The following GRIN2A variants were observed in gnomAD, a reference collection of about 807,000 sequenced individuals.
GRIN2A encodes the protein glutamate ionotropic receptor NMDA type subunit 2A.
GRIN2A carries 22 observed loss-of-function variants against 113.4 expected under a neutral mutation model. That is an observed-to-expected ratio of 0.19 (90% confidence interval 0.14 to 0.28). GRIN2A has a LOEUF of 0.28. GRIN2A is among the 10% of genes least tolerant of loss of function. The pLI is 1.00. For synonymous variants in GRIN2A, 827 were observed against 738.4 expected (o/e 1.12, Z -1.94); for missense variants, 1,502 against 1,887.0 (o/e 0.80, Z 3.78).
rs533235576 is a variant in GRIN2A, at chr16:10,085,516, C to T, written c.414+94482G>A. On this transcript the variant is annotated intron_variant, in intron 2 of 12. Transcript: ENST00000330684. ...GACATGAAGGCACTCAGTGTGCAGC[C>T]CCCGTAAACTGACCAGAACCACTTC... 4.6e-5 allele frequency among the ~76,000 whole-genome samples: 7 copies of T among 152,178 alleles called. No homozygotes were observed. The South Asian group carries it at 1.5e-3, about 32-fold the overall frequency.
chr16:10,008,511 C>A (rs1004078633), intron 2 of GRIN2A, among the ~76,000 whole-genome samples: 1 of 152,102 alleles, frequency 6.6e-6, no homozygotes, highest in Admixed American at 6.5e-5. Flanking sequence ...GACCAAAGAC[C>A]GGACCCATGA....
At chr16:10,031,886 G>T (rs758038938) in intron 2 of GRIN2A, among the ~76,000 whole-genome samples, 1 of 152,162 alleles carries the variant, frequency 6.6e-6, no homozygotes, top group Non-Finnish European at 1.5e-5. Flanking sequence ...CATTTGCTAT[G>T]ATCCCTCCGG....
At chr16:9,938,687 C>G (rs2044779528) in intron 2 of GRIN2A, 136 bp from the exon 3 acceptor site, 1 of 700,294 alleles carries the variant, frequency 1.4e-6, no homozygotes, top group Non-Finnish European at 2.6e-6. Flanking sequence ...CTACTATATC[C>G]CAGACTCCAG....
rs187201224 is a variant in GRIN2A at position 9,784,446 on chromosome 16, A to C, written c.2356+13831T>G. 3.4e-3 allele frequency among the ~76,000 whole-genome samples: 508 copies of C among 148,846 alleles called. 10 individuals carry two copies. The highest frequency in any genetic ancestry group is 4.9e-3 in the Non-Finnish European group (331 of 67,850). On this transcript the variant is annotated intron_variant, in intron 11 of 12. Transcript: ENST00000330684. ...ACTCTAACAACAACAACAACCAAAA[A>C]AAAAAAACAAACAAACAAAAAACCT...
chr16:9,958,865 G>A (rs2045367309), intron 2 of GRIN2A, among the ~76,000 whole-genome samples: 1 of 152,152 alleles, frequency 6.6e-6, no homozygotes, highest in African/African-American at 2.4e-5. Context: ...CTTGTTCACT[G>A]ATACATCCCT....
chr16:9,765,560 G>A (rs1324420312), intron 12 of GRIN2A, among the ~76,000 whole-genome samples: 1 of 152,192 alleles, frequency 6.6e-6, no homozygotes, highest in Non-Finnish European at 1.5e-5. Flanking sequence ...CTCTTTGAGG[G>A]GGGGATAGAT....
At chr16:10,088,687 C>A (rs1014939970) in intron 2 of GRIN2A, among the ~76,000 whole-genome samples, 1 of 152,218 alleles carries the variant, frequency 6.6e-6, no homozygotes, top group Non-Finnish European at 1.5e-5. Context: ...CCCACCCACT[C>A]GGCTGTGTTG....
chr16:10,138,421 G>A (rs77968984), intron 2 of GRIN2A, among the ~76,000 whole-genome samples: 8 of 152,148 alleles, frequency 5.3e-5, no homozygotes, highest in Non-Finnish European at 1.0e-4. Context: ...AAGAGGAAGC[G>A]AGGAACATCT....
chr16:9,957,849 C>T (rs948254653), intron 2 of GRIN2A, among the ~76,000 whole-genome samples: 1 of 152,178 alleles, frequency 6.6e-6, no homozygotes, highest in Non-Finnish European at 1.5e-5. Context: ...TGAACATCAC[C>T]TGGGCCTCTG....
chr16:10,076,590 C>T (rs13331461), intron 2 of GRIN2A, among the ~76,000 whole-genome samples: 21,213 of 152,088 alleles, frequency 0.14, 1,989 homozygotes, highest in African/African-American at 0.27. Flanking sequence ...ATTCTTGTCA[C>T]AGACAATCCA....
At chr16:10,124,497 C>T (rs925755991) in intron 2 of GRIN2A, among the ~76,000 whole-genome samples, 1 of 152,012 alleles carries the variant, frequency 6.6e-6, no homozygotes, top group African/African-American at 2.4e-5. Flanking sequence ...TCCGGGCAAG[C>T]GGAAAAGGGC....
intron 2 of GRIN2A, chr16:10,111,682 G>A: frequency 1.9e-6 from 3 of 1,570,640 alleles, no homozygotes; most frequent in African/African-American, 1.3e-5. Context: ...AGAGTTCCAG[G>A]CCAACGAGGT....
rs1183796486 is a variant in GRIN2A, at chr16:9,761,560, TG to T, written c.*1588del. On this transcript the variant is annotated 3_prime_UTR_variant, in exon 13 of 13. Coordinates refer to ENST00000330684, the MANE Select transcript of GRIN2A (RefSeq NM_001134407.3). Reference sequence around the variant, plus strand: ...TATAAAAGGTTTAGTTAATATTATTTGCTGGTTTTATGATATTTAATTTTTA... The same window carrying T: ...TATAAAAGGTTTAGTTAATATTATTTCTGGTTTTATGATATTTAATTTTTA... 1 of 228,808 alleles carries T rather than the reference TG, an allele frequency of 4.4e-6. No individual in the cohort carries two copies. Among genetic ancestry groups the T allele is most frequent in the African/African-American group, 2.2e-5 (1 of 45,138 alleles). 14.2% of individuals were successfully genotyped at this position (228,808 alleles called of 1,614,324 possible). A position where few individuals can be genotyped will look rare whatever the true frequency, so the allele number is the denominator to read the frequency against.
chr16:10,177,484 C>G (rs1371227623), intron 2 of GRIN2A, among the ~76,000 whole-genome samples: 1 of 152,158 alleles, frequency 6.6e-6, no homozygotes, highest in Admixed American at 6.5e-5. Flanking sequence ...TCAGGAGTAT[C>G]GAATCCCCTC....
At chr16:9,787,964 C>T (rs936808502) in intron 11 of GRIN2A, among the ~76,000 whole-genome samples, 1 of 152,204 alleles carries the variant, frequency 6.6e-6, no homozygotes, top group African/African-American at 2.4e-5. Context: ...GATTAGACAT[C>T]TCCAAGGCAG....
chr16:9,972,553 A>C (rs2045693556), intron 2 of GRIN2A, among the ~76,000 whole-genome samples: 1 of 152,186 alleles, frequency 6.6e-6, no homozygotes, highest in African/African-American at 2.4e-5. Flanking sequence ...AAAGGTAGGA[A>C]GCCTCAGAAG....
intron 2 of GRIN2A, among the ~76,000 whole-genome samples, chr16:10,023,894 A>G (rs1431303328): frequency 6.6e-6 from 1 of 152,204 alleles, no homozygotes; most frequent in African/African-American, 2.4e-5. Flanking sequence ...GATGACACAT[A>G]TTTATTAAGC....
chr16:9,808,628 A>G (rs776781945), intron 10 of GRIN2A, among the ~76,000 whole-genome samples: 9 of 152,216 alleles, frequency 5.9e-5, no homozygotes, highest in African/African-American at 9.6e-5. Context: ...GAGGTTATTT[A>G]ATTTGCCAAA....
intron 3 of GRIN2A, among the ~76,000 whole-genome samples, chr16:9,936,694 A>G (rs1161469257): frequency 6.6e-6 from 1 of 152,220 alleles, no homozygotes; most frequent in Non-Finnish European, 1.5e-5. Flanking sequence ...ACATTCACAT[A>G]ATGGAATATA....
Sources: gnomAD v4.1 joint callset for allele counts (sites outside exome capture counted in the v4.1 genomes callset) on GRCh38, gnomAD v4.1.1 for gene constraint, MANE v1.5 for transcripts, NCBI Gene and HGNC (gene_info 2026-07-23, HGNC 2026-07-21) for gene names.